RAB3GAP1: variants seen among roughly 807,000 people sequenced by gnomAD.
RAB3GAP1 encodes the protein rab3 GTPase-activating protein catalytic subunit.
In RAB3GAP1, 86 loss-of-function variants were observed where a neutral mutation model predicts 130.7. The ratio of observed to expected loss-of-function variants is 0.66; its 90% CI spans 0.55 to 0.79. RAB3GAP1 has a LOEUF of 0.79. Among genes scored for constraint, RAB3GAP1 ranks in the 30% least tolerant of loss-of-function variants. The probability of loss-of-function intolerance (pLI) is 0.00; values close to 1 mark genes in which losing one functional copy is unlikely to be tolerated. For synonymous variants in RAB3GAP1, 367 were observed against 401.7 expected, an observed-to-expected ratio of 0.91 and a Z score of 1.03; for missense variants, 1,029 against 1,169.4, an observed-to-expected ratio of 0.88 and a Z score of 1.75.
chr2:135,071,196 C>A (rs1021345511), intron 3 of RAB3GAP1, among the ~76,000 whole-genome samples: 8 of 152,144 alleles, frequency 5.3e-5, no homozygotes, highest in African/African-American at 1.7e-4. Context: ...AGTATCCTGG[C>A]CTTGAGGCCC....
At chr2:135,123,086 A>G (rs890772292) in intron 8 of RAB3GAP1, among the ~76,000 whole-genome samples, 2 of 152,140 alleles carry the variant, frequency 1.3e-5, no homozygotes, top group Non-Finnish European at 2.9e-5. Context: ...TAACTGGCTT[A>G]AAGTCATATG....
intron 17 of RAB3GAP1, among the ~76,000 whole-genome samples, chr2:135,141,285 T>G (rs1691831754): frequency 6.6e-6 from 1 of 150,664 alleles, no homozygotes; most frequent in Admixed American, 6.7e-5. Context: ...AGTGCAGTGG[T>G]GTGGTCTCGG....
At chr2:135,145,141 A>G (rs1691958159) in intron 17 of RAB3GAP1, among the ~76,000 whole-genome samples, 1 of 152,182 alleles carries the variant, frequency 6.6e-6, no homozygotes, top group South Asian at 2.1e-4. Flanking sequence ...ATGCATAGAA[A>G]GCGTAATGAT....
chr2:135,053,692 T>G (rs1275181587), intron 2 of RAB3GAP1, among the ~76,000 whole-genome samples: 1 of 152,164 alleles, frequency 6.6e-6, no homozygotes, highest in African/African-American at 2.4e-5. Flanking sequence ...CAAGACTTCA[T>G]TGAGTAGGTA....
chr2:135,147,362 T>A (rs1692029821), intron 17 of RAB3GAP1, among the ~76,000 whole-genome samples: 2 of 150,322 alleles, frequency 1.3e-5, no homozygotes, highest in African/African-American at 4.9e-5. Flanking sequence ...AAAAAAAAAA[T>A]CTTTTAACAA....
At chr2:135,074,627 GGTCCCCAAGCA>G (rs930710514) in intron 3 of RAB3GAP1, among the ~76,000 whole-genome samples, 26 of 152,252 alleles carry the variant, frequency 1.7e-4, no homozygotes, top group African/African-American at 4.8e-4. Context: ...GTAAGAGAAA[GGTCCCCAAGCA>G]GTCCCCAAGC....
chr2:135,055,996 C>T (rs566960152), intron 2 of RAB3GAP1, among the ~76,000 whole-genome samples: 1 of 151,932 alleles, frequency 6.6e-6, no homozygotes, highest in East Asian at 2.0e-4. Flanking sequence ...GCCACCACGC[C>T]CGGCTAATTT....
chr2:135,055,256 T>C (rs1408667191), intron 2 of RAB3GAP1, among the ~76,000 whole-genome samples: 1 of 152,210 alleles, frequency 6.6e-6, no homozygotes, highest in Non-Finnish European at 1.5e-5. Context: ...GAAATGACCC[T>C]TCATTTCCTG....
intron 6 of RAB3GAP1, among the ~76,000 whole-genome samples, chr2:135,113,993 G>A (rs868494885): frequency 6.6e-6 from 1 of 152,082 alleles, no homozygotes. Context: ...CAGATGATCC[G>A]CCCGCCGCGG....
At chr2:135,078,031 A>G (rs946722748) in intron 3 of RAB3GAP1, among the ~76,000 whole-genome samples, 1 of 152,200 alleles carries the variant, frequency 6.6e-6, no homozygotes, top group African/African-American at 2.4e-5. Flanking sequence ...CTTGATGCAC[A>G]AAAGTTTTTA....
Position 135,168,618 on chromosome 2 carries a change from T to C in RAB3GAP1, c.2783T>C (p.Val928Ala), listed in dbSNP as rs1692735912. ...CCAGAGGAAAGAAGGCAGAACTCCG[T>C]GTCAGACTTCCCACCCCCTGCTGGC... is the stretch of plus-strand genomic sequence containing the variant. ...GSPEERRQNS[V>A]SDFPPPAGRE... The change falls in exon 24 of 24, where the codon GTG becomes GCG. Residue 928 changes from valine (V) to alanine (A), a missense_variant. This residue lies in a region of RAB3GAP1 where 146 missense variants were observed against 143.7 expected (regional missense o/e 1.02). Transcript: ENST00000264158. The C allele has an allele frequency of 6.2e-7, 1 of 1,614,180 alleles. No individual in the cohort carries two copies. Among genetic ancestry groups the C allele is most frequent in the South Asian group, 1.1e-5 (1 of 91,076 alleles).
At chr2:135,168,375 G>T (rs1302189687) in intron 23 of RAB3GAP1, among the ~76,000 whole-genome samples, 170 bp from the exon 24 acceptor site, 1 of 152,190 alleles carries the variant, frequency 6.6e-6, no homozygotes, top group Admixed American at 6.5e-5. Flanking sequence ...CAAGCTTCTT[G>T]CATTTGCTGT....
chr2:135,070,260 C>T (rs940368217), intron 3 of RAB3GAP1, among the ~76,000 whole-genome samples: 1 of 152,176 alleles, frequency 6.6e-6, no homozygotes, highest in African/African-American at 2.4e-5. Flanking sequence ...GGCTGCAGTC[C>T]TCAACTTTGG....
At chr2:135,129,289 A>G (rs1691451392) in intron 11 of RAB3GAP1, among the ~76,000 whole-genome samples, 1 of 151,922 alleles carries the variant, frequency 6.6e-6, no homozygotes, top group African/African-American at 2.4e-5. Context: ...CGTCTCTACT[A>G]AAAATACAAA....
intron 19 of RAB3GAP1, among the ~76,000 whole-genome samples, chr2:135,160,504 T>G (rs1317593816): frequency 1.3e-5 from 2 of 151,826 alleles, no homozygotes; most frequent in Non-Finnish European, 2.9e-5. Flanking sequence ...AAACTCCGTC[T>G]TTACTAAAAA....
At chr2:135,160,563 A>G (rs1430272392) in intron 19 of RAB3GAP1, among the ~76,000 whole-genome samples, 4 of 151,224 alleles carry the variant, frequency 2.6e-5, no homozygotes, top group Non-Finnish European at 4.4e-5. Flanking sequence ...AGTCTTAGCT[A>G]CTCAGGAGGC....
chr2:135,105,500 C>T (rs1029465895), intron 5 of RAB3GAP1, among the ~76,000 whole-genome samples: 4 of 152,140 alleles, frequency 2.6e-5, no homozygotes, highest in East Asian at 3.9e-4. Context: ...TCTGGAGGTG[C>T]CGGGATTGCA....
intron 3 of RAB3GAP1, among the ~76,000 whole-genome samples, chr2:135,068,185 G>A (rs1460123592): frequency 6.6e-6 from 1 of 152,102 alleles, no homozygotes; most frequent in African/African-American, 2.4e-5. Context: ...CACCTAGCTG[G>A]GGGAAAGCTT....
Position 135,070,223 on chromosome 2 carries a change from C to A in RAB3GAP1, c.150+12137C>A, listed in dbSNP as rs373084918. On this transcript the variant is annotated intron_variant, in intron 3 of 23. Transcript: ENST00000264158. The stretch of plus-strand genomic sequence containing the variant: ...AGGCAGACAGACAGACAGAACACCC[C>A]CCAAGGCAACTTGGAAATGTGTCCC... Among the ~76,000 whole-genome samples, 34 of 152,304 alleles carry A rather than the reference C, an allele frequency of 2.2e-4. No homozygotes were observed. In the South Asian group the frequency reaches 5.8e-3, roughly 26 times the overall value.
Sources: allele counts gnomAD v4.1 joint callset (sites outside exome capture counted in the v4.1 genomes callset), GRCh38; gene constraint gnomAD v4.1.1; regional missense constraint gnomAD v4.1.1; transcripts MANE v1.5; gene names NCBI Gene and HGNC (gene_info 2026-07-23, HGNC 2026-07-21).